The following MFHAS1 variants were observed in gnomAD, a reference collection of about 807,000 sequenced individuals.
MFHAS1 encodes the protein malignant fibrous histiocytoma-amplified sequence 1.
Under a neutral mutation model 70.4 loss-of-function variants are expected in MFHAS1, and 50 were observed. The ratio of observed to expected loss-of-function variants is 0.71; its 90% CI spans 0.57 to 0.90. The LOEUF is 0.90. MFHAS1 is among the 40% of genes least tolerant of loss of function. The pLI is 0.00. For synonymous variants in MFHAS1, 952 were observed against 620.0 expected, an observed-to-expected ratio of 1.54 and a Z score of -7.96; for missense variants, 1,795 against 1,347.6, an observed-to-expected ratio of 1.33 and a Z score of -5.20.
intron 1 of MFHAS1, among the ~76,000 whole-genome samples, chr8:8,801,797 G>A (rs1041445109): frequency 3.3e-5 from 5 of 152,204 alleles, no homozygotes; most frequent in Non-Finnish European, 7.3e-5. Flanking sequence ...GGATCCCAGT[G>A]TCCACAGGGG....
rs1805465694 is a variant in MFHAS1 at position 8,784,468 on chromosome 8, A to C, written c.*1554T>G. 1.3e-5 allele frequency: 2 copies of C among 152,262 alleles called. No homozygotes were observed. Among genetic ancestry groups the C allele is most frequent in the African/African-American group, 4.8e-5 (2 of 41,470 alleles). 9.4% of individuals were successfully genotyped at this position (152,262 alleles called of 1,614,324 possible). A position where few individuals can be genotyped will look rare whatever the true frequency, so the allele number is the denominator to read the frequency against. ...TCGATTTTTATCATCATAAGAAATC[A>C]TTCTCTGAACTGCAGGTTCTGGAGT... On this transcript the variant is annotated 3_prime_UTR_variant, in exon 3 of 3. Coordinates refer to ENST00000276282, the MANE Select transcript of MFHAS1 (RefSeq NM_004225.3).
chr8:8,817,170 T>G (rs1051688388), intron 1 of MFHAS1, among the ~76,000 whole-genome samples: 1 of 151,858 alleles, frequency 6.6e-6, no homozygotes, highest in African/African-American at 2.4e-5. Context: ...CCTCTCTCCA[T>G]CTAAACTGGA....
intron 1 of MFHAS1, among the ~76,000 whole-genome samples, chr8:8,834,414 C>G (rs922805887): frequency 2.6e-5 from 4 of 152,216 alleles, no homozygotes; most frequent in African/African-American, 4.8e-5. Context: ...AGAGACACTT[C>G]CAGTACGCAG....
At chr8:8,872,918 C>G (rs1296637368) in intron 1 of MFHAS1, among the ~76,000 whole-genome samples, 1 of 152,190 alleles carries the variant, frequency 6.6e-6, no homozygotes, top group Non-Finnish European at 1.5e-5. Context: ...CTGCTCCATC[C>G]CAGACAGGCA....
chr8:8,797,311 T>C, intron 2 of MFHAS1, 54 bp downstream of exon 2: 2 of 1,603,152 alleles, frequency 1.2e-6, no homozygotes, highest in Non-Finnish European at 1.7e-6. Context: ...GTCATATCTA[T>C]GGAGCTGGGA....
intron 1 of MFHAS1, among the ~76,000 whole-genome samples, chr8:8,851,059 G>C (rs745755325): frequency 3.3e-5 from 5 of 152,104 alleles, no homozygotes; most frequent in African/African-American, 9.7e-5. Flanking sequence ...GTCTTACATA[G>C]GGTCACGTAT....
intron 1 of MFHAS1, among the ~76,000 whole-genome samples, chr8:8,864,525 A>C (rs985204139): frequency 6.6e-6 from 1 of 152,244 alleles, no homozygotes; most frequent in Non-Finnish European, 1.5e-5. Flanking sequence ...CAGACAAGTC[A>C]AAATGCAATC....
At chr8:8,846,736 T>A (rs1394838016) in intron 1 of MFHAS1, among the ~76,000 whole-genome samples, 1 of 152,066 alleles carries the variant, frequency 6.6e-6, no homozygotes, top group South Asian at 2.1e-4. Flanking sequence ...ATAATAAGAT[T>A]GCTCATTCCC....
At position 8,891,345 on chromosome 8, in the gene MFHAS1, A is replaced by G. The variant is rs769732559; in HGVS notation, c.1714T>C (p.Leu572=). Residue 572 remains leucine (L), a synonymous_variant, in exon 1 of 3, where the codon TTG becomes CTG. Transcript: ENST00000276282. The surrounding 1 kb of genome is among the most constrained non-coding windows in gnomAD (Gnocchi z 5.4). ...AGTGCCTCGTCCACCACCTTGGCCA[A>G]GCGGCTCAGTCCCTCCGCGTCGTGC... The part of the protein sequence containing the change: ...EKHDAEGLSR[L]AKVVDEALAR... The G allele has an allele frequency of 1.6e-5, 26 of 1,611,192 alleles. No homozygotes were observed. In the East Asian group the frequency reaches 5.8e-4, roughly 36 times the overall value.
chr8:8,827,669 G>A (rs915694032), intron 1 of MFHAS1, among the ~76,000 whole-genome samples: 1 of 152,014 alleles, frequency 6.6e-6, no homozygotes, highest in Non-Finnish European at 1.5e-5. Context: ...TATATTACTT[G>A]TTTTTTGACC....
chr8:8,881,633 A>T (rs376778513), intron 1 of MFHAS1, among the ~76,000 whole-genome samples: 8 of 152,238 alleles, frequency 5.3e-5, no homozygotes, highest in Admixed American at 3.9e-4. Flanking sequence ...CAGGAGTTTG[A>T]GATCAGCCTG....
intron 1 of MFHAS1, among the ~76,000 whole-genome samples, chr8:8,811,302 C>G (rs1439583081): frequency 1.4e-5 from 2 of 146,370 alleles, no homozygotes; most frequent in Non-Finnish European, 3.0e-5. Flanking sequence ...AATTGCAAAC[C>G]AGAATAAAAA....
At chr8:8,787,825 G>A (rs752298065) in intron 2 of MFHAS1, among the ~76,000 whole-genome samples, 11 of 152,208 alleles carry the variant, frequency 7.2e-5, no homozygotes, top group Non-Finnish European at 1.2e-4. Context: ...GTAAGACTGA[G>A]AAACACAAGA....
Position 8,892,779 on chromosome 8 carries a change from G to A in MFHAS1, c.280C>T (p.Leu94=), listed in dbSNP as rs746754986. 3.8e-6 allele frequency: 6 copies of A among 1,584,436 alleles called. No individual in the cohort carries two copies. Among genetic ancestry groups the A allele is most frequent in the Non-Finnish European group, 5.1e-6 (6 of 1,165,946 alleles). Residue 94 remains leucine (L), a synonymous_variant, in exon 1 of 3, where the codon CTG becomes TTG. Coordinates refer to ENST00000276282, the MANE Select transcript of MFHAS1 (RefSeq NM_004225.3). This position sits in a 1 kb window ranked among gnomAD's most constrained non-coding sequence, Gnocchi z 4.7. Reference sequence around the variant, plus strand: ...AGCCGGGCGAAGCGGTTCCTGCGCAGGACCAGGACGCGCAGGCTGCCCAGC... The same window carrying A: ...AGCCGGGCGAAGCGGTTCCTGCGCAAGACCAGGACGCGCAGGCTGCCCAGC... The part of the protein sequence containing the change: ...SALGSLRVLV[L]RRNRFARLPP...
chr8:8,867,823 CT>C (rs1808921485), intron 1 of MFHAS1, among the ~76,000 whole-genome samples: 1 of 152,108 alleles, frequency 6.6e-6, no homozygotes, highest in Admixed American at 6.6e-5. Flanking sequence ...TCCCAAAGTG[CT>C]GGGATTACAG....
intron 1 of MFHAS1, among the ~76,000 whole-genome samples, chr8:8,819,603 C>CAAAA (rs1182895596): frequency 1.9e-5 from 1 of 51,370 alleles, no homozygotes; most frequent in African/African-American, 7.5e-5. Flanking sequence ...GACTCCAACT[C>CAAAA]AAAACAAAAA....
chr8:8,807,637 G>A (rs11783966), intron 1 of MFHAS1, among the ~76,000 whole-genome samples: 99,396 of 152,080 alleles, frequency 0.65, 33,236 homozygotes, highest in East Asian at 0.84. Flanking sequence ...ATGAAAAGAA[G>A]GCATTCGCGT....
rs774197423 is a variant in MFHAS1 at position 8,890,826 on chromosome 8, G to T, written c.2233C>A (p.Pro745Thr). Residue 745 changes from proline (P) to threonine (T), a missense_variant, in exon 1 of 3, where the codon CCC (proline) becomes ACC (threonine). Transcript: ENST00000276282. ...AGCAGCTTATGCAGCAGCAAAGAGG[G>T]ATCCCTCTGGAAGAAGACATTGAGG... ...DILNVFFQRD[P>T]SLLLHKLLLG... The T allele has an allele frequency of 6.2e-7, 1 of 1,614,230 alleles. No individual in the cohort carries two copies. Among genetic ancestry groups the T allele is most frequent in the Non-Finnish European group, 8.5e-7 (1 of 1,180,048 alleles).
intron 1 of MFHAS1, among the ~76,000 whole-genome samples, chr8:8,864,165 T>C (rs555542971): frequency 2.3e-4 from 35 of 152,352 alleles, no homozygotes; most frequent in African/African-American, 8.2e-4. Flanking sequence ...AACACTTGTC[T>C]CAGCAGTGAT....
Sources: gnomAD v4.1 joint callset for allele counts (sites outside exome capture counted in the v4.1 genomes callset) on GRCh38, gnomAD v4.1.1 for gene constraint, Gnocchi (gnomAD v3.1) non-coding constraint, MANE v1.5 for transcripts, NCBI Gene and HGNC (gene_info 2026-07-23, HGNC 2026-07-21) for gene names.